The following ADGRL2 variants were observed in gnomAD, a reference collection of about 807,000 sequenced individuals.
ADGRL2 encodes calcium-independent alpha-latrotoxin receptor 2.
A neutral mutation model predicts 157.4 loss-of-function variants in ADGRL2; 44 were observed. The ratio of observed to expected loss-of-function variants is 0.28; its 90% CI spans 0.22 to 0.36. ADGRL2 has a LOEUF of 0.36. Among genes scored for constraint, ADGRL2 ranks in the 10% least tolerant of loss-of-function variants. ADGRL2 has a pLI of 1.00. For missense variants in ADGRL2, 1,510 were observed against 1,768.9 expected, an observed-to-expected ratio of 0.85 and a Z score of 2.63; for synonymous variants, 585 against 624.7, an observed-to-expected ratio of 0.94 and a Z score of 0.95.
intron 2 of ADGRL2, among the ~76,000 whole-genome samples, chr1:81,491,847 A>G (rs997933672): frequency 6.6e-6 from 1 of 152,202 alleles, no homozygotes; most frequent in East Asian, 1.9e-4. Flanking sequence ...GAAATGTTGC[A>G]TTATTCAGCT....
At chr1:81,344,590 C>T (rs1406402654) in intron 1 of ADGRL2, among the ~76,000 whole-genome samples, 3 of 139,778 alleles carry the variant, frequency 2.1e-5, no homozygotes, top group Non-Finnish European at 4.5e-5. Context: ...CACTTGAACC[C>T]GGGAGGCAGA....
intron 1 of ADGRL2, chr1:81,427,233 G>A (rs2077234181): frequency 3.9e-6 from 3 of 767,350 alleles, no homozygotes; most frequent in East Asian, 4.9e-5. Flanking sequence ...GGCTATGCTG[G>A]TGGAGGTGGT....
chr1:81,400,745 G>A (rs979684768), intron 1 of ADGRL2, among the ~76,000 whole-genome samples: 2 of 152,140 alleles, frequency 1.3e-5, no homozygotes, highest in Non-Finnish European at 2.9e-5. Flanking sequence ...CTGGGAGACA[G>A]GGAGCACCAC....
chr1:81,627,864 G>T (rs1257109625), intron 3 of ADGRL2, among the ~76,000 whole-genome samples: 1 of 152,168 alleles, frequency 6.6e-6, no homozygotes, highest in African/African-American at 2.4e-5. Context: ...AGATGCCACA[G>T]CCTGGCCATG....
intron 1 of ADGRL2, among the ~76,000 whole-genome samples, chr1:81,436,905 G>A (rs1557688048): frequency 1.3e-5 from 2 of 152,220 alleles, no homozygotes; most frequent in Non-Finnish European, 2.9e-5. Flanking sequence ...AAGTGATTTG[G>A]AGTTTTCCTT....
intron 2 of ADGRL2, among the ~76,000 whole-genome samples, chr1:81,877,626 CT>C (rs1266340746): frequency 6.6e-6 from 1 of 151,944 alleles, no homozygotes; most frequent in East Asian, 1.9e-4. Context: ...CCACATTTTA[CT>C]GAAACTAAAC....
In ADGRL2 at chr1:81,670,027, T is replaced by C. The variant is rs1570787013; in HGVS notation, c.-143+89047T>C. On this transcript the variant is annotated intron_variant, in intron 3 of 24. Transcript: ENST00000370721. ...CTGAGACCTGGGGGAAGGATAGAAT[T>C]AGGCAGGTCAGAAAAAGGACACAGT... Among the ~76,000 whole-genome samples, 4 of 152,008 alleles carry C rather than the reference T, an allele frequency of 2.6e-5. No homozygotes were observed. In the South Asian group the frequency reaches 8.3e-4, roughly 32 times the overall value.
chr1:81,581,911 C>CACACACACA, intron 3 of ADGRL2, among the ~76,000 whole-genome samples: 1 of 150,310 alleles, frequency 6.7e-6, no homozygotes, highest in Non-Finnish European at 1.5e-5. Flanking sequence ...CACACACACA[C>CACACACACA]CCCTGCCTCA....
chr1:81,600,378 C>T (rs2081312405), intron 3 of ADGRL2, among the ~76,000 whole-genome samples: 1 of 152,156 alleles, frequency 6.6e-6, no homozygotes, highest in African/African-American at 2.4e-5. Flanking sequence ...AGCTCATTTC[C>T]TCTTGAAATT....
intron 3 of ADGRL2, among the ~76,000 whole-genome samples, chr1:81,659,620 G>A (rs1323371991): frequency 3.3e-5 from 5 of 151,184 alleles, no homozygotes; most frequent in South Asian, 2.1e-4. Context: ...TAACATTGAT[G>A]ACACTAGAAC....
chr1:81,841,680 T>TACACGTGCAC (rs1442253567), intron 2 of ADGRL2, among the ~76,000 whole-genome samples: 1 of 152,174 alleles, frequency 6.6e-6, no homozygotes, highest in Non-Finnish European at 1.5e-5. Flanking sequence ...TGCACGCGCA[T>TACACGTGCAC]ACACGTGCAC....
chr1:81,348,429 A>G (rs1242980947), intron 1 of ADGRL2, among the ~76,000 whole-genome samples: 2 of 152,162 alleles, frequency 1.3e-5, no homozygotes, highest in Non-Finnish European at 2.9e-5. Flanking sequence ...CACTTCTCTG[A>G]CCAAAAAAGG....
intron 2 of ADGRL2, chr1:81,515,111 G>T (rs1474176869): frequency 2.6e-5 from 4 of 152,142 alleles, no homozygotes; most frequent in African/African-American, 9.7e-5. Flanking sequence ...GTACTTGGCA[G>T]CTCTTCCTTT....
intron 2 of ADGRL2, among the ~76,000 whole-genome samples, chr1:81,495,400 A>C (rs764633300): frequency 1.9e-4 from 29 of 152,210 alleles, no homozygotes; most frequent in Admixed American, 1.8e-3. Context: ...CAAGTAAAAT[A>C]GAGCAGGTAT....
chr1:81,897,251 G>A (rs967829161), intron 2 of ADGRL2, among the ~76,000 whole-genome samples: 3 of 151,984 alleles, frequency 2.0e-5, no homozygotes, highest in African/African-American at 7.2e-5. Context: ...CAGAGGCACT[G>A]AATAATTGGG....
intron 3 of ADGRL2, among the ~76,000 whole-genome samples, chr1:81,592,877 C>A (rs191507584): frequency 6.6e-6 from 1 of 151,760 alleles, no homozygotes; most frequent in Non-Finnish European, 1.5e-5. Flanking sequence ...GCTGCCTGGG[C>A]GGGGGAATGG....
Position 81,631,830 on chromosome 1 carries a change from C to G in ADGRL2, c.-143+50850C>G, listed in dbSNP as rs138980008. Among the ~76,000 whole-genome samples, 196 of 152,218 alleles carry G rather than the reference C, an allele frequency of 1.3e-3. 2 individuals are homozygous for G. Among genetic ancestry groups the G allele is most frequent in the Non-Finnish European group, 2.1e-3 (141 of 68,032 alleles). Reference sequence around the variant, plus strand: ...CCCTGCCTGGACCCCCACCAAATCACACACTGGAGCATTTCCTTGAATGGC... The same window carrying G: ...CCCTGCCTGGACCCCCACCAAATCAGACACTGGAGCATTTCCTTGAATGGC... On this transcript the variant is annotated intron_variant, in intron 3 of 24. Transcript: ENST00000370721.
intron 1 of ADGRL2, among the ~76,000 whole-genome samples, chr1:81,364,594 G>A (rs1169931761): frequency 6.6e-6 from 1 of 152,080 alleles, no homozygotes; most frequent in Non-Finnish European, 1.5e-5. Context: ...AAATTAATTA[G>A]CGAGAACTGA....
At chr1:81,571,111 G>C (rs2080678806) in intron 2 of ADGRL2, among the ~76,000 whole-genome samples, 1 of 151,944 alleles carries the variant, frequency 6.6e-6, no homozygotes, top group Non-Finnish European at 1.5e-5. Flanking sequence ...GATCACCTGA[G>C]GTCAGGAGTT....
Sources: allele counts gnomAD v4.1 joint callset (sites outside exome capture counted in the v4.1 genomes callset), GRCh38; gene constraint gnomAD v4.1.1; transcripts MANE v1.5; gene names NCBI Gene and HGNC (gene_info 2026-07-23, HGNC 2026-07-21).